The following ATM variants were observed in gnomAD, a reference collection of about 807,000 sequenced individuals.
The protein encoded by ATM is serine-protein kinase ATM.
A neutral mutation model predicts 387.0 loss-of-function variants in ATM; 308 were observed. The observed-to-expected ratio is 0.80, with a 90% CI of 0.73 to 0.87. The LOEUF is 0.87. ATM is among the 40% of genes least tolerant of loss of function. ATM has a pLI of 0.00. For synonymous variants in ATM, 1,156 were observed against 1,187.3 expected (o/e 0.97, Z 0.54); for missense variants, 3,312 against 3,560.9 (o/e 0.93, Z 1.78).
In ATM at chr11:108,243,949, T is replaced by C. The variant is rs876659621; in HGVS notation, c.497-4T>C. The C allele has an allele frequency of 6.5e-7, 1 of 1,536,910 alleles. No homozygotes were observed. Among genetic ancestry groups the C allele is most frequent in the African/African-American group, 1.4e-5 (1 of 71,696 alleles). The stretch of plus-strand genomic sequence containing the variant: ...ATGACTAATAATTTTTTTTTTTTTT[T>C]AAGAATTGTTCTCTGTGTACTTCAG... On this transcript the variant is annotated splice_region_variant and splice_polypyrimidine_tract_variant and intron_variant, in intron 5 of 62. Coordinates refer to ENST00000675843, the MANE Select transcript of ATM (RefSeq NM_000051.4).
At chr11:108,265,782 T>A in intron 16 of ATM, among the ~76,000 whole-genome samples, 1 of 120,364 alleles carries the variant, frequency 8.3e-6, no homozygotes, top group South Asian at 3.3e-4. Context: ...CAAACAAATT[T>A]ACAAGAAAAA....
Position 108,244,995 on chromosome 11 carries a change from T to A in ATM, c.870T>A (p.His290Gln), listed in dbSNP as rs780618264. ...IELFQLQIYI[H>Q]HPKGAKTQEK... ...TATTTCAACTGCAAATTTATATCCA[T>A]CATCCGAAAGGAGCCAAAACCCAAG... The change falls in exon 7 of 63, where the codon CAT (histidine) becomes CAA (glutamine). Residue 290 changes from histidine to glutamine, a missense_variant. This residue lies in a region of ATM where 1,791 missense variants were observed against 1,804.5 expected (regional missense o/e 0.99). Transcript: ENST00000675843. 6.2e-7 allele frequency: 1 copy of A among 1,611,756 alleles called. No individual in the cohort carries two copies. The highest frequency in any genetic ancestry group is 1.1e-5 in the South Asian group (1 of 91,066).
chr11:108,326,875 G>T (rs4988107), intron 47 of ATM, among the ~76,000 whole-genome samples: 13 of 152,120 alleles, frequency 8.5e-5, no homozygotes, highest in Non-Finnish European at 1.5e-4. Context: ...ACCCAGGCTG[G>T]AGTGCAGTGG....
At chr11:108,326,411 C>T (rs2085690959) in intron 47 of ATM, among the ~76,000 whole-genome samples, 186 bp downstream of exon 47, 1 of 152,130 alleles carries the variant, frequency 6.6e-6, no homozygotes, top group South Asian at 2.1e-4. Context: ...TCCTATATAT[C>T]ACAATTCTAT....
rs2138027722 is a variant in ATM at position 108,368,233 on chromosome 11, T to C, written c.*2725T>C. 9.9e-6 allele frequency: 2 copies of C among 202,612 alleles called. No homozygotes were observed. The highest frequency in any genetic ancestry group is 2.0e-5 in the Non-Finnish European group (2 of 101,236). 12.6% of individuals were successfully genotyped at this position (202,612 alleles called of 1,614,324 possible). ...AAAGATTTTTTTTTTGTAATTTTAG[T>C]AGAGACAGGGTTGCCATTGTATTCC... On this transcript the variant is annotated 3_prime_UTR_variant, in exon 63 of 63. Transcript: ENST00000675843.
At chr11:108,283,696 A>G (rs916646897) in intron 25 of ATM, among the ~76,000 whole-genome samples, 2 of 152,206 alleles carry the variant, frequency 1.3e-5, no homozygotes, top group Non-Finnish European at 2.9e-5. Flanking sequence ...AGGATCCCCC[A>G]TGTATGCCTA....
At position 108,358,431 on chromosome 11, in the gene ATM, G is replaced by C. The variant is rs573799671; in HGVS notation, c.8850+3557G>C. Among the ~76,000 whole-genome samples, 460 of 150,516 alleles carry C rather than the reference G, an allele frequency of 3.1e-3. 4 individuals carry two copies. Among genetic ancestry groups the C allele is most frequent in the African/African-American group, 1.0e-2 (407 of 40,774 alleles). On this transcript the variant is annotated intron_variant, in intron 61 of 62. Transcript: ENST00000675843. The stretch of plus-strand genomic sequence containing the variant: ...CAAGGCAGGCCAACGTTCAGATTCA[G>C]GAAATACAGAGAATGCCACAAAGAT...
chr11:108,355,959 A>T (rs951231859), intron 61 of ATM: 1 of 152,220 alleles, frequency 6.6e-6, no homozygotes, highest in African/African-American at 2.4e-5. Context: ...TTTTGCTACA[A>T]GGAGTTTGCT....
At chr11:108,234,714 A>C (rs1340968063) in intron 4 of ATM, among the ~76,000 whole-genome samples, 2 of 152,028 alleles carry the variant, frequency 1.3e-5, no homozygotes, top group African/African-American at 4.8e-5. Context: ...GTGGCACAAC[A>C]TCTATAGTCC....
At chr11:108,310,462 A>C in intron 39 of ATM, 147 bp downstream of exon 39, 2 of 749,162 alleles carry the variant, frequency 2.7e-6, no homozygotes, top group South Asian at 4.2e-5. Flanking sequence ...ATTATAATAA[A>C]TTTTTAAAAA....
At chr11:108,363,122 G>A (rs1463498081) in intron 61 of ATM, among the ~76,000 whole-genome samples, 1 of 152,082 alleles carries the variant, frequency 6.6e-6, no homozygotes, top group Non-Finnish European at 1.5e-5. Context: ...TTTTCCCAGT[G>A]ATCTTACCAC....
In ATM at chr11:108,268,509, C is replaced by A. The variant is rs1266220962; in HGVS notation, c.2738C>A (p.Thr913Asn). 2.5e-6 allele frequency: 4 copies of A among 1,614,072 alleles called. No homozygotes were observed. Among genetic ancestry groups the A allele is most frequent in the Non-Finnish European group, 3.4e-6 (4 of 1,179,984 alleles). Reference protein sequence around the residue: ...FLCLCVTTAQTNTVSFRAADI... With the variant: ...FLCLCVTTAQNNTVSFRAADI... ...TGTTTGTGTGTAACTACTGCTCAGA[C>A]CAATACTGTGTCCTTTAGGGCAGCT... Residue 913 changes from threonine (T) to asparagine (N), a missense_variant, in exon 18 of 63, where the codon ACC becomes AAC. Thr to Asn is a moderately conservative substitution (Grantham distance 65, BLOSUM62 0). Coordinates refer to ENST00000675843, the MANE Select transcript of ATM (RefSeq NM_000051.4).
At chr11:108,289,831 G>A (rs1284689003) in intron 29 of ATM, 30 bp downstream of exon 29, 6 of 1,585,968 alleles carry the variant, frequency 3.8e-6, no homozygotes, top group Non-Finnish European at 5.2e-6. Context: ...CAATATATAA[G>A]CAGTCTTTCT....
intron 22 of ATM, among the ~76,000 whole-genome samples, chr11:108,274,395 T>G (rs2081811723): frequency 6.6e-6 from 1 of 152,180 alleles, no homozygotes; most frequent in African/African-American, 2.4e-5. Flanking sequence ...CTTAGTTATT[T>G]CTTGTCTTCT....
Position 108,234,996 on chromosome 11 carries a change from A to G in ATM, c.332-674A>G, listed in dbSNP as rs143179740. The stretch of plus-strand genomic sequence containing the variant: ...AAAGAGTGCCAAAAAACTTGGGATC[A>G]TTTTTGGTCTAACACCAGAAATTGT... On this transcript the variant is annotated intron_variant, in intron 4 of 62. Transcript: ENST00000675843. 7.9e-3 allele frequency among the ~76,000 whole-genome samples: 1,210 copies of G among 152,286 alleles called. 9 individuals are homozygous for G. The highest frequency in any genetic ancestry group is 0.025 in the African/African-American group (1,037 of 41,564).
intron 38 of ATM, among the ~76,000 whole-genome samples, 185 bp from the exon 39 acceptor site, chr11:108,309,975 T>C (rs1467871434): frequency 6.6e-6 from 1 of 152,188 alleles, no homozygotes; most frequent in Non-Finnish European, 1.5e-5. Context: ...AAAAGATTAA[T>C]TAAATAGGAC....
intron 61 of ATM, among the ~76,000 whole-genome samples, chr11:108,359,647 C>T (rs2090466384): frequency 6.6e-6 from 1 of 152,170 alleles, no homozygotes; most frequent in South Asian, 2.1e-4. Flanking sequence ...GAATCTCACT[C>T]AAAACCGCTC....
At chr11:108,236,282 G>A (rs228597) in intron 5 of ATM, 113,105 of 206,194 alleles carry the variant, frequency 0.55, 31,889 homozygotes, top group Middle Eastern at 0.74. Context: ...AGTGGCTCAC[G>A]CCTGTAATCC....
At chr11:108,252,148 T>C in intron 11 of ATM, 117 bp downstream of exon 11, 1 of 853,666 alleles carries the variant, frequency 1.2e-6, no homozygotes, top group South Asian at 1.6e-5. Flanking sequence ...TTCCCAGATC[T>C]AACCTTAATT....
Sources: gnomAD v4.1 joint callset for allele counts (sites outside exome capture counted in the v4.1 genomes callset) on GRCh38, gnomAD v4.1.1 for gene constraint, gnomAD v4.1.1 regional missense constraint, MANE v1.5 for transcripts, NCBI Gene and HGNC (gene_info 2026-07-23, HGNC 2026-07-21) for gene names.